Variants in DOCK9 observed in about 807,000 individuals in gnomAD.
The protein encoded by DOCK9 is dedicator of cytokinesis 9.
DOCK9 carries 89 observed loss-of-function variants against 263.3 expected under a neutral mutation model. The ratio of observed to expected loss-of-function variants is 0.34; its 90% CI spans 0.28 to 0.40. DOCK9 has a LOEUF of 0.40. Ranked by LOEUF, DOCK9 falls within the 10% of genes least tolerant of loss-of-function variation. The pLI is 1.00. For synonymous variants in DOCK9, 976 were observed against 973.1 expected (o/e 1.00, Z -0.06); for missense variants, 2,140 against 2,603.4 (o/e 0.82, Z 3.87).
At chr13:98,984,297 A>C (rs1877934119) in intron 1 of DOCK9, among the ~76,000 whole-genome samples, 2 of 152,200 alleles carry the variant, frequency 1.3e-5, no homozygotes, top group Non-Finnish European at 2.9e-5. Flanking sequence ...AGGTAAACAA[A>C]CAACCAGTGG....
intron 27 of DOCK9, among the ~76,000 whole-genome samples, chr13:98,879,568 A>G (rs2044415749): frequency 6.6e-6 from 1 of 152,224 alleles, no homozygotes; most frequent in South Asian, 2.1e-4. Context: ...AGGAAAAGAC[A>G]TATTTTTCTT....
rs559045380 is a variant in DOCK9, at chr13:98,815,515, C to T, written c.5131-5224G>A. ...TGTTTTTTTGAGACGGAGTCTCACT[C>T]TGTTGCCCAGGCTGCAGTGCAGTGG... On this transcript the variant is annotated intron_variant, in intron 45 of 52. Coordinates refer to ENST00000682017, the MANE Select transcript of DOCK9 (RefSeq NM_001366683.2). 2.0e-5 allele frequency among the ~76,000 whole-genome samples: 3 copies of T among 152,260 alleles called. No homozygotes were observed. The South Asian group carries it at 6.2e-4, about 32-fold the overall frequency.
intron 1 of DOCK9, among the ~76,000 whole-genome samples, chr13:99,060,783 C>G (rs574523014): frequency 6.6e-6 from 1 of 152,332 alleles, no homozygotes; most frequent in Admixed American, 6.5e-5. Context: ...TATACTGGAA[C>G]TGTCTGATCA....
chr13:98,859,919 T>C (rs2093813155), intron 33 of DOCK9: 1 of 153,996 alleles, frequency 6.5e-6, no homozygotes, highest in Non-Finnish European at 1.4e-5. Context: ...GTGGCCGCTC[T>C]TCTGTTATTT....
At position 98,800,408 on chromosome 13, in the gene DOCK9, G is replaced by A. The variant is rs1347368452; in HGVS notation, c.5796C>T (p.Pro1932=). 2 of 1,613,880 alleles carry A rather than the reference G, an allele frequency of 1.2e-6. No homozygotes were observed. Among genetic ancestry groups the A allele is most frequent in the Non-Finnish European group, 1.7e-6 (2 of 1,179,900 alleles). The change falls in exon 50 of 53, where the codon CCC becomes CCT. Residue 1932 remains proline (P), a synonymous_variant. Coordinates refer to ENST00000682017, the MANE Select transcript of DOCK9 (RefSeq NM_001366683.2). The part of the protein sequence containing the change: ...VMYQHHTDLN[P]IEVAIDEMSK... ...TCATCTCGTCAATGGCCACCTCGAT[G>A]GGGTTCAGGTCAGTGTGGTGCTGGT...
chr13:98,920,231 T>C (rs559512488), intron 7 of DOCK9, among the ~76,000 whole-genome samples: 4 of 152,352 alleles, frequency 2.6e-5, no homozygotes, highest in Admixed American at 6.5e-5. Context: ...GAAAAATACA[T>C]TCATGTGTTA....
Position 99,046,415 on chromosome 13 carries a change from T to C in DOCK9, c.129+39808A>G, listed in dbSNP as rs1205985084. Among the ~76,000 whole-genome samples, 6 of 152,064 alleles carry C rather than the reference T, an allele frequency of 3.9e-5. No homozygotes were observed. In the East Asian group the frequency reaches 9.6e-4, roughly 24 times the overall value. ...TCACCCATGAGATTAACAGAGGAAGTAGTTTGTTGGTTTTGAGGTTTTCAA... is the reference window on the plus strand; with the variant it reads ...TCACCCATGAGATTAACAGAGGAAGCAGTTTGTTGGTTTTGAGGTTTTCAA... On this transcript the variant is annotated intron_variant, in intron 1 of 32. Transcript: ENST00000427887.
At chr13:99,000,050 T>C (rs1309223780) in intron 1 of DOCK9, among the ~76,000 whole-genome samples, 1 of 152,212 alleles carries the variant, frequency 6.6e-6, no homozygotes, top group Non-Finnish European at 1.5e-5. Context: ...CTAAAATGTT[T>C]AGGGCTCTGC....
At chr13:98,962,169 T>C (rs1359169616) in intron 1 of DOCK9, among the ~76,000 whole-genome samples, 1 of 152,218 alleles carries the variant, frequency 6.6e-6, no homozygotes, top group Non-Finnish European at 1.5e-5. Flanking sequence ...CATGATCATA[T>C]GAAGAGGCAA....
intron 52 of DOCK9, among the ~76,000 whole-genome samples, chr13:98,796,552 G>T (rs2089437138): frequency 6.6e-6 from 1 of 152,172 alleles, no homozygotes; most frequent in Non-Finnish European, 1.5e-5. Context: ...GAATCCTACT[G>T]AAGAAACCCA....
In DOCK9 at chr13:98,794,050, A is replaced by C. The variant is rs931903941; in HGVS notation, c.*576T>G. On this transcript the variant is annotated 3_prime_UTR_variant, in exon 53 of 53. Transcript: ENST00000682017. ...TAGTTTTAAGCTCACATAATTCCTT[A>C]AGCTTTCATATTTTCTTAAATGCAA... The C allele has an allele frequency of 2.0e-5, 3 of 152,764 alleles. No homozygotes were observed. The highest frequency in any genetic ancestry group is 7.2e-5 in the African/African-American group (3 of 41,456). 9.5% of individuals were successfully genotyped at this position (152,764 alleles called of 1,614,324 possible). A position where few individuals can be genotyped will look rare whatever the true frequency, so the allele number is the denominator to read the frequency against.
At chr13:98,890,560 C>T (rs753376161) in intron 15 of DOCK9, among the ~76,000 whole-genome samples, 31 of 152,186 alleles carry the variant, frequency 2.0e-4, no homozygotes, top group African/African-American at 6.5e-4. Flanking sequence ...GTCCTTCCTA[C>T]GCCACCTGTT....
At chr13:98,923,482 A>G in intron 4 of DOCK9, 111 bp from the exon 5 acceptor site, 3 of 857,156 alleles carry the variant, frequency 3.5e-6, no homozygotes, top group Non-Finnish European at 5.8e-6. Flanking sequence ...AAGATGGCCC[A>G]GCTTCTTTAT....
At chr13:98,944,667 CT>C (rs2056475474) in intron 2 of DOCK9, among the ~76,000 whole-genome samples, 1 of 152,190 alleles carries the variant, frequency 6.6e-6, no homozygotes, top group Admixed American at 6.5e-5. Context: ...CCTCCCCTGC[CT>C]GTAACAGTTC....
intron 30 of DOCK9, among the ~76,000 whole-genome samples, chr13:98,864,534 G>T (rs1376925621): frequency 6.6e-6 from 1 of 152,170 alleles, no homozygotes; most frequent in Non-Finnish European, 1.5e-5. Context: ...AGAAGGGGGA[G>T]AGTATTCATT....
chr13:98,855,831 A>C, intron 34 of DOCK9, 67 bp downstream of exon 34: 2 of 1,583,264 alleles, frequency 1.3e-6, no homozygotes, highest in Non-Finnish European at 8.6e-7. Context: ...TAGAACATGA[A>C]GTACGTTTAC....
chr13:98,895,329 G>A (rs2047248158), intron 15 of DOCK9, among the ~76,000 whole-genome samples: 1 of 151,846 alleles, frequency 6.6e-6, no homozygotes, highest in Non-Finnish European at 1.5e-5. Flanking sequence ...AGCTACATAA[G>A]ATAAACTAAA....
intron 1 of DOCK9, chr13:98,959,473 C>T (rs1454559733): frequency 6.6e-6 from 1 of 152,300 alleles, no homozygotes. Context: ...GCTGGAAGCA[C>T]TTCCGGGACA....
At chr13:99,026,436 C>T (rs1886736583) in intron 1 of DOCK9, among the ~76,000 whole-genome samples, 2 of 152,200 alleles carry the variant, frequency 1.3e-5, no homozygotes, top group South Asian at 4.1e-4. Context: ...CCCAAAAGCA[C>T]TCCTGGCACT....
Sources: allele counts gnomAD v4.1 joint callset (sites outside exome capture counted in the v4.1 genomes callset), GRCh38; gene constraint gnomAD v4.1.1; transcripts MANE v1.5; gene names NCBI Gene and HGNC (gene_info 2026-07-23, HGNC 2026-07-21).